The following MACROD2 variants were observed in gnomAD, a reference collection of about 807,000 sequenced individuals.
MACROD2 encodes the protein ADP-ribose glycohydrolase MACROD2.
MACROD2 carries 36 observed loss-of-function variants against 70.4 expected under a neutral mutation model. The observed-to-expected ratio is 0.51, with a 90% CI of 0.39 to 0.68. The LOEUF is 0.68. MACROD2 is among the 30% of genes least tolerant of loss of function. The probability of loss-of-function intolerance (pLI) is 0.00; values close to 1 mark genes in which losing one functional copy is unlikely to be tolerated. For missense variants in MACROD2, 496 were observed against 538.4 expected, an observed-to-expected ratio of 0.92 and a Z score of 0.78; for synonymous variants, 172 against 178.8, an observed-to-expected ratio of 0.96 and a Z score of 0.30.
chr20:16,001,487 T>C (rs2066708481), intron 15 of MACROD2, among the ~76,000 whole-genome samples: 1 of 152,242 alleles, frequency 6.6e-6, no homozygotes, highest in South Asian at 2.1e-4. Context: ...GATGAATCAG[T>C]CACGTTTCTA....
At chr20:15,874,562 C>T (rs1601034307) in intron 9 of MACROD2, among the ~76,000 whole-genome samples, 1 of 152,134 alleles carries the variant, frequency 6.6e-6, no homozygotes, top group East Asian at 1.9e-4. Flanking sequence ...TTCTCCACAT[C>T]CTCTCCAGCG....
In MACROD2 at chr20:14,874,611, G is replaced by A. The variant is rs1444171217; in HGVS notation, c.418+189652G>A. Among the ~76,000 whole-genome samples the A allele has an allele frequency of 3.3e-5, 5 of 151,908 alleles. No homozygotes were observed. The East Asian group carries it at 9.7e-4, about 29-fold the overall frequency. ...ACAAGGTATAAGCACAGAAATGACA[G>A]AAGTTCTGGCACAGAACAAGGAATT... On this transcript the variant is annotated intron_variant, in intron 5 of 17. Coordinates refer to ENST00000684519, the MANE Select transcript of MACROD2 (RefSeq NM_001351661.2).
intron 5 of MACROD2, among the ~76,000 whole-genome samples, chr20:14,750,513 G>A (rs950350785): frequency 6.6e-6 from 1 of 152,082 alleles, no homozygotes; most frequent in East Asian, 1.9e-4. Flanking sequence ...CCCAGCTCAA[G>A]TGCAGTGGCA....
At position 14,440,916 on chromosome 20, in the gene MACROD2, A is replaced by C. The variant is rs2084114807; in HGVS notation, c.272-52563A>C. On this transcript the variant is annotated intron_variant, in intron 3 of 17. Transcript: ENST00000684519. Reference sequence around the variant, plus strand: ...GTGCCACTTTCTTTGGGGCCATATAACCCTGCAGCAGGGCACATGGCATGG... The same window carrying C: ...GTGCCACTTTCTTTGGGGCCATATACCCCTGCAGCAGGGCACATGGCATGG... Among the ~76,000 whole-genome samples the C allele has an allele frequency of 2.6e-5, 4 of 151,968 alleles. No homozygotes were observed. In the South Asian group the frequency reaches 8.3e-4, roughly 32 times the overall value.
intron 5 of MACROD2, among the ~76,000 whole-genome samples, chr20:15,009,941 A>C (rs1346958790): frequency 6.6e-6 from 1 of 152,068 alleles, no homozygotes; most frequent in Non-Finnish European, 1.5e-5. Flanking sequence ...TGTTATTGGC[A>C]AGATTATGTT....
intron 3 of MACROD2, among the ~76,000 whole-genome samples, chr20:14,121,436 G>A (rs6033884): frequency 0.043 from 6,503 of 152,126 alleles, 192 homozygotes; most frequent in African/African-American, 0.086. Flanking sequence ...TTAATAATTC[G>A]GTAGAAACTT....
intron 3 of MACROD2, among the ~76,000 whole-genome samples, chr20:14,200,497 A>G (rs988108849): frequency 2.0e-5 from 3 of 152,208 alleles, no homozygotes; most frequent in African/African-American, 4.8e-5. Context: ...AAGTTTACCT[A>G]TGTAACAAAC....
At chr20:14,852,463 T>C (rs1015850069) in intron 5 of MACROD2, among the ~76,000 whole-genome samples, 1 of 152,152 alleles carries the variant, frequency 6.6e-6, no homozygotes, top group Non-Finnish European at 1.5e-5. Context: ...AGTTGATCAC[T>C]GTTTCAAGAA....
intron 8 of MACROD2, among the ~76,000 whole-genome samples, chr20:15,839,643 A>G (rs940072707): frequency 6.6e-6 from 1 of 152,134 alleles, no homozygotes; most frequent in African/African-American, 2.4e-5. Flanking sequence ...ATCCATTCTC[A>G]GTCTAGATTT....
chr20:15,642,753 C>T (rs974944788), intron 8 of MACROD2, among the ~76,000 whole-genome samples: 3 of 152,074 alleles, frequency 2.0e-5, no homozygotes, highest in African/African-American at 7.2e-5. Context: ...ATCCTGTCTT[C>T]TGTGTGTGTT....
intron 8 of MACROD2, among the ~76,000 whole-genome samples, chr20:15,723,622 C>T (rs1013020285): frequency 6.6e-6 from 1 of 152,230 alleles, no homozygotes; most frequent in African/African-American, 2.4e-5. Context: ...CTTGGTAGCT[C>T]ATTTCCTTTT....
chr20:15,102,408 A>C (rs417473), intron 5 of MACROD2, among the ~76,000 whole-genome samples: 133,343 of 151,862 alleles, frequency 0.88, 59,182 homozygotes, highest in Non-Finnish European at 0.94. Flanking sequence ...GAAGACACAC[A>C]AATCCTTTAA....
chr20:15,474,494 T>C (rs977637508), intron 7 of MACROD2, among the ~76,000 whole-genome samples: 1 of 152,204 alleles, frequency 6.6e-6, no homozygotes, highest in Non-Finnish European at 1.5e-5. Flanking sequence ...TTGGTGGTTC[T>C]CATCTTTCTT....
chr20:14,497,277 C>T (rs749906615), intron 4 of MACROD2, among the ~76,000 whole-genome samples: 11 of 151,658 alleles, frequency 7.3e-5, no homozygotes, highest in Non-Finnish European at 1.5e-4. Context: ...CTTTTTTGTG[C>T]ATTTGAGATT....
intron 8 of MACROD2, among the ~76,000 whole-genome samples, chr20:15,718,542 C>T (rs984613694): frequency 6.6e-6 from 1 of 152,086 alleles, no homozygotes; most frequent in Non-Finnish European, 1.5e-5. Flanking sequence ...CAGTCCTCAC[C>T]AAGGCAATGT....
intron 5 of MACROD2, among the ~76,000 whole-genome samples, chr20:15,047,603 G>A (rs1568548063): frequency 2.0e-5 from 3 of 152,142 alleles, no homozygotes; most frequent in African/African-American, 4.8e-5. Flanking sequence ...AGGCTTTGGA[G>A]TGTCAGTCAT....
chr20:14,568,552 C>T (rs1979961167), intron 4 of MACROD2, among the ~76,000 whole-genome samples: 1 of 151,930 alleles, frequency 6.6e-6, no homozygotes, highest in Non-Finnish European at 1.5e-5. Flanking sequence ...TCAACTTACT[C>T]AAATAGTTTA....
intron 6 of MACROD2, among the ~76,000 whole-genome samples, chr20:15,263,419 T>G (rs2077266492): frequency 6.6e-6 from 1 of 152,106 alleles, no homozygotes; most frequent in African/African-American, 2.4e-5. Context: ...ACCACACTGT[T>G]TTGGTTACTA....
chr20:14,022,635 C>T (rs1291752638), intron 2 of MACROD2, among the ~76,000 whole-genome samples: 1 of 152,008 alleles, frequency 6.6e-6, no homozygotes, highest in Non-Finnish European at 1.5e-5. Flanking sequence ...TGATGTTCCC[C>T]TCCCTGTGTC....
Sources: gnomAD v4.1 joint callset for allele counts (sites outside exome capture counted in the v4.1 genomes callset) on GRCh38, gnomAD v4.1.1 for gene constraint, MANE v1.5 for transcripts, NCBI Gene and HGNC (gene_info 2026-07-23, HGNC 2026-07-21) for gene names.